The following ERBB4 variants were observed in gnomAD, a reference collection of about 807,000 sequenced individuals.
The protein encoded by ERBB4 is receptor tyrosine-protein kinase erbB-4.
Under a neutral mutation model 158.0 loss-of-function variants are expected in ERBB4, and 42 were observed. The ratio of observed to expected loss-of-function variants is 0.27; its 90% CI spans 0.21 to 0.34. ERBB4 has a LOEUF of 0.34. Among genes scored for constraint, ERBB4 ranks in the 10% least tolerant of loss-of-function variants. The pLI is 1.00. For missense variants in ERBB4, 1,333 were observed against 1,624.1 expected, an observed-to-expected ratio of 0.82 and a Z score of 3.08; for synonymous variants, 583 against 558.7, an observed-to-expected ratio of 1.04 and a Z score of -0.61.
chr2:211,931,088 T>C (rs1380791323), intron 3 of ERBB4, among the ~76,000 whole-genome samples: 3 of 152,104 alleles, frequency 2.0e-5, no homozygotes, highest in Admixed American at 6.6e-5. Flanking sequence ...GTTAAAGGCT[T>C]GGCACCACTG....
In ERBB4 at chr2:211,573,541, G is replaced by A. The variant is rs180909329; in HGVS notation, c.2302-11453C>T. 1.1e-3 allele frequency among the ~76,000 whole-genome samples: 161 copies of A among 152,114 alleles called. 1 individual carries two copies. Among genetic ancestry groups the A allele is most frequent in the African/African-American group, 3.3e-3 (137 of 41,522 alleles). On this transcript the variant is annotated intron_variant, in intron 19 of 27. Transcript: ENST00000342788. The stretch of plus-strand genomic sequence containing the variant: ...AAAAATTAGCCGGGCATGGTGGCAG[G>A]AGCCTGTAGTCCCAGCTACCCGGGA...
At chr2:211,834,615 A>G (rs1360879678) in intron 3 of ERBB4, among the ~76,000 whole-genome samples, 1 of 152,128 alleles carries the variant, frequency 6.6e-6, no homozygotes, top group African/African-American at 2.4e-5. Flanking sequence ...AATCAAGATA[A>G]CCAATAAAAT....
intron 3 of ERBB4, among the ~76,000 whole-genome samples, chr2:211,925,925 C>T (rs750004683): frequency 6.6e-6 from 1 of 152,044 alleles, no homozygotes; most frequent in Non-Finnish European, 1.5e-5. Context: ...CTTAACTCTA[C>T]TCCCTTGCCC....
At chr2:212,054,198 TAGG>T (rs1248856086) in intron 2 of ERBB4, among the ~76,000 whole-genome samples, 7 of 152,104 alleles carry the variant, frequency 4.6e-5, no homozygotes, top group Non-Finnish European at 1.0e-4. Context: ...ACCTATGTAA[TAGG>T]AGAGAAGTGG....
chr2:212,270,917 G>A (rs1035725039), intron 1 of ERBB4, among the ~76,000 whole-genome samples: 8 of 151,734 alleles, frequency 5.3e-5, no homozygotes, highest in African/African-American at 1.5e-4. Flanking sequence ...CCTAGACATC[G>A]TGGAACGGAG....
intron 1 of ERBB4, among the ~76,000 whole-genome samples, chr2:212,523,531 CTGTT>C (rs1258707749): frequency 1.3e-5 from 2 of 150,646 alleles, no homozygotes; most frequent in African/African-American, 4.9e-5. Flanking sequence ...AATATGAAGA[CTGTT>C]AAGAAAAAGG....
At chr2:212,254,148 T>C (rs943045397) in intron 1 of ERBB4, among the ~76,000 whole-genome samples, 6 of 150,290 alleles carry the variant, frequency 4.0e-5, no homozygotes, top group South Asian at 4.2e-4. Flanking sequence ...TAGAAGACCA[T>C]ATAAATAACA....
At chr2:211,623,412 A>T (rs1253557973) in intron 18 of ERBB4, among the ~76,000 whole-genome samples, 2 of 152,152 alleles carry the variant, frequency 1.3e-5, no homozygotes, top group African/African-American at 4.8e-5. Context: ...GCAAAAAATG[A>T]TTTAGAAGCT....
At chr2:212,442,737 T>C (rs112746893) in intron 1 of ERBB4, among the ~76,000 whole-genome samples, 2,496 of 152,194 alleles carry the variant, frequency 0.016, 74 homozygotes, top group African/African-American at 0.057. Flanking sequence ...CCCTGACTGG[T>C]AGGGTGAGGG....
chr2:212,497,055 G>A (rs1360972583), intron 1 of ERBB4, among the ~76,000 whole-genome samples: 2 of 151,626 alleles, frequency 1.3e-5, no homozygotes, highest in South Asian at 4.2e-4. Flanking sequence ...GCATGCGCCT[G>A]TAATCCCAGC....
intron 16 of ERBB4, among the ~76,000 whole-genome samples, chr2:211,632,287 T>C (rs1368826395): frequency 6.6e-6 from 1 of 152,074 alleles, no homozygotes; most frequent in Non-Finnish European, 1.5e-5. Context: ...ATATTTTTGA[T>C]CATGCAAGTT....
chr2:212,423,526 A>G (rs1433315678), intron 1 of ERBB4, among the ~76,000 whole-genome samples: 1 of 152,220 alleles, frequency 6.6e-6, no homozygotes, highest in Non-Finnish European at 1.5e-5. Context: ...GCAGCAACTA[A>G]GTATGACACA....
chr2:211,593,306 A>G (rs1191762887), intron 19 of ERBB4, among the ~76,000 whole-genome samples: 1 of 152,204 alleles, frequency 6.6e-6, no homozygotes, highest in Non-Finnish European at 1.5e-5. Flanking sequence ...TGTGGGAGTA[A>G]AATAAATGTA....
chr2:212,311,165 T>C (rs1440357623), intron 1 of ERBB4, among the ~76,000 whole-genome samples: 1 of 150,912 alleles, frequency 6.6e-6, no homozygotes, highest in Non-Finnish European at 1.5e-5. Context: ...AATGAATTTG[T>C]CAAATTAGTA....
chr2:212,034,703 C>CT (rs1190123065), intron 2 of ERBB4, among the ~76,000 whole-genome samples: 1 of 152,018 alleles, frequency 6.6e-6, no homozygotes, highest in Non-Finnish European at 1.5e-5. Context: ...ATGTTAGTTT[C>CT]TTTTTTATCC....
At chr2:211,387,300 T>C (rs1009212634) in intron 26 of ERBB4, 150 bp from the exon 27 acceptor site, 15 of 692,618 alleles carry the variant, frequency 2.2e-5, no homozygotes, top group Non-Finnish European at 3.6e-5. Flanking sequence ...CTAATGGAGT[T>C]ACAAACTATA....
At chr2:211,410,318 G>T (rs1157102515) in intron 25 of ERBB4, among the ~76,000 whole-genome samples, 2 of 152,128 alleles carry the variant, frequency 1.3e-5, no homozygotes, top group African/African-American at 4.8e-5. Flanking sequence ...TTCAGTTTGG[G>T]TGAGGAGTAA....
intron 2 of ERBB4, among the ~76,000 whole-genome samples, chr2:212,059,930 A>G (rs1354529180): frequency 6.6e-6 from 1 of 152,254 alleles, no homozygotes; most frequent in African/African-American, 2.4e-5. Context: ...ACAAAAGCCA[A>G]AATTGACAAA....
chr2:212,288,615 T>C (rs1446733370), intron 1 of ERBB4, among the ~76,000 whole-genome samples: 1 of 152,160 alleles, frequency 6.6e-6, no homozygotes, highest in African/African-American at 2.4e-5. Context: ...CTCGCTTTGC[T>C]GATAGTCCTT....
Sources: gnomAD v4.1 joint callset for allele counts (sites outside exome capture counted in the v4.1 genomes callset) on GRCh38, gnomAD v4.1.1 for gene constraint, MANE v1.5 for transcripts, NCBI Gene and HGNC (gene_info 2026-07-23, HGNC 2026-07-21) for gene names.